The following TNKS variants were observed in gnomAD, a reference collection of about 807,000 sequenced individuals.
The protein encoded by TNKS is tankyrase.
Under a neutral mutation model 135.8 loss-of-function variants are expected in TNKS, and 72 were observed. The ratio of observed to expected loss-of-function variants is 0.53; its 90% CI spans 0.44 to 0.64. The LOEUF (loss-of-function observed/expected upper bound fraction) is 0.64, where lower values mean the gene tolerates loss of function less well. Among genes scored for constraint, TNKS ranks in the 30% least tolerant of loss-of-function variants. The probability of loss-of-function intolerance (pLI) is 0.00; values close to 1 mark genes in which losing one functional copy is unlikely to be tolerated. For missense variants in TNKS, 1,769 were observed against 1,674.0 expected, an observed-to-expected ratio of 1.06 and a Z score of -0.99; for synonymous variants, 849 against 649.3, an observed-to-expected ratio of 1.31 and a Z score of -4.68.
intron 25 of TNKS, among the ~76,000 whole-genome samples, chr8:9,766,683 GC>G (rs1350385064): frequency 6.6e-6 from 1 of 151,912 alleles, no homozygotes. Context: ...ATGGGGTTTT[GC>G]CATGTTGGCC....
chr8:9,721,094 A>G (rs2128812821), intron 12 of TNKS, among the ~76,000 whole-genome samples: 1 of 152,022 alleles, frequency 6.6e-6, no homozygotes, highest in South Asian at 2.1e-4. Flanking sequence ...ATCTTGGCCA[A>G]CATGGTGAAA....
chr8:9,683,982 G>A (rs1419968851), intron 5 of TNKS, among the ~76,000 whole-genome samples: 2 of 148,718 alleles, frequency 1.3e-5, no homozygotes, highest in Non-Finnish European at 3.0e-5. Context: ...ATTTTTTTTT[G>A]TTCTAAAATG....
intron 2 of TNKS, among the ~76,000 whole-genome samples, chr8:9,610,872 T>A (rs1024446780): frequency 6.6e-6 from 1 of 152,240 alleles, no homozygotes; most frequent in Non-Finnish European, 1.5e-5. Flanking sequence ...TGTAATTTTC[T>A]AGGAATTTAA....
At chr8:9,726,218 C>T (rs955911280) in intron 12 of TNKS, among the ~76,000 whole-genome samples, 1 of 152,058 alleles carries the variant, frequency 6.6e-6, no homozygotes, top group Admixed American at 6.6e-5. Context: ...TGGTGAAAAC[C>T]CATCTCCACA....
At chr8:9,751,944 A>G in intron 19 of TNKS, 98 bp downstream of exon 19, 2 of 1,053,692 alleles carry the variant, frequency 1.9e-6, no homozygotes, top group African/African-American at 1.6e-5. Flanking sequence ...TCAATTAGAG[A>G]CGTCCTGTCT....
intron 1 of TNKS, among the ~76,000 whole-genome samples, chr8:9,570,050 T>A (rs975207443): frequency 1.3e-5 from 2 of 152,230 alleles, no homozygotes; most frequent in Non-Finnish European, 2.9e-5. Flanking sequence ...TACACCTTAA[T>A]CTATTTTAAA....
chr8:9,613,558 C>G (rs1056588380), intron 2 of TNKS, among the ~76,000 whole-genome samples: 1 of 152,184 alleles, frequency 6.6e-6, no homozygotes, highest in African/African-American at 2.4e-5. Flanking sequence ...TTATCAGCAT[C>G]TGGTTTAGAA....
At position 9,556,867 on chromosome 8, in the gene TNKS, GTC is replaced by G. The variant is rs1815339616; in HGVS notation, c.673+259_673+260del. On this transcript the variant is annotated intron_variant, in intron 1 of 26. Coordinates refer to ENST00000310430, the MANE Select transcript of TNKS (RefSeq NM_003747.3). Reference sequence around the variant, plus strand: ...ATTACAAAACTCACTGTAGTTGGTAGTCTCTGCATATGGATATATTTACACTT... The same window carrying G: ...ATTACAAAACTCACTGTAGTTGGTAGTCTGCATATGGATATATTTACACTT... 3 of 579,300 alleles carry G rather than the reference GTC, an allele frequency of 5.2e-6. No homozygotes were observed. The East Asian group carries it at 8.3e-5, about 16-fold the overall frequency. 35.9% of individuals were successfully genotyped at this position (579,300 alleles called of 1,614,324 possible).
At chr8:9,688,995 C>G (rs1450439776) in intron 5 of TNKS, among the ~76,000 whole-genome samples, 1 of 152,122 alleles carries the variant, frequency 6.6e-6, no homozygotes, top group Non-Finnish European at 1.5e-5. Flanking sequence ...TCATGAGGTT[C>G]CCACCCTTAT....
chr8:9,743,981 T>C (rs968334211), intron 17 of TNKS, among the ~76,000 whole-genome samples: 1 of 152,242 alleles, frequency 6.6e-6, no homozygotes, highest in Non-Finnish European at 1.5e-5. Context: ...TATGTAGTTA[T>C]TTATTGATCA....
At chr8:9,564,868 A>C (rs535865613) in intron 1 of TNKS, among the ~76,000 whole-genome samples, 2 of 152,248 alleles carry the variant, frequency 1.3e-5, no homozygotes, top group Non-Finnish European at 2.9e-5. Flanking sequence ...AATGAAACAT[A>C]CACGAGAAAG....
chr8:9,568,010 T>C (rs1797613997), intron 1 of TNKS, among the ~76,000 whole-genome samples: 1 of 152,212 alleles, frequency 6.6e-6, no homozygotes, highest in Non-Finnish European at 1.5e-5. Context: ...TTCTTAATAT[T>C]ACTAACACGA....
intron 8 of TNKS, 124 bp from the exon 9 acceptor site, chr8:9,708,247 T>A (rs539374485): frequency 5.3e-4 from 445 of 837,266 alleles, no homozygotes; most frequent in Non-Finnish European, 3.3e-4. Flanking sequence ...TATTATCACA[T>A]TGCTGCTGTT....
In TNKS at chr8:9,734,891, C is replaced by G. The variant is rs766114238; in HGVS notation, c.2340C>G (p.Asn780Lys). The G allele has an allele frequency of 6.2e-7, 1 of 1,614,032 alleles. No homozygotes were observed. Among genetic ancestry groups the G allele is most frequent in the Non-Finnish European group, 8.5e-7 (1 of 1,179,950 alleles). The change falls in exon 16 of 27, where the codon AAC (asparagine) becomes AAG (lysine). Residue 780 changes from asparagine (N) to lysine (K), a missense_variant. Coordinates refer to ENST00000310430, the MANE Select transcript of TNKS (RefSeq NM_003747.3). ...ATGGAGCAGATCCAACTAAAAAGAA[C>G]AGAGATGGAAATACACCTTTGGATT... ...LKHGADPTKK[N>K]RDGNTPLDLV...
chr8:9,556,344 G>A lies in TNKS; in HGVS notation c.405G>A (p.Pro135=). The change falls in exon 1 of 27, where the codon CCG becomes CCA. Residue 135 remains proline (P), a synonymous_variant. Coordinates refer to ENST00000310430, the MANE Select transcript of TNKS (RefSeq NM_003747.3). ...ATTCACCGTCGTCCTCTTCTTCCCCGACTTCTTCCTCATCTTCCTCTCCAT... is the reference window on the plus strand; with the variant it reads ...ATTCACCGTCGTCCTCTTCTTCCCCAACTTCTTCCTCATCTTCCTCTCCAT... ...SNNSPSSSSS[P]TSSSSSSPSS... 3 of 1,614,202 alleles carry A rather than the reference G, an allele frequency of 1.9e-6. No homozygotes were observed. The highest frequency in any genetic ancestry group is 2.2e-5 in the East Asian group (1 of 44,884).
At chr8:9,767,941 A>C (rs1241833636) in intron 25 of TNKS, among the ~76,000 whole-genome samples, 4 of 149,148 alleles carry the variant, frequency 2.7e-5, no homozygotes, top group Admixed American at 1.3e-4. Context: ...CCTGGGCGAC[A>C]GAGAGAGACT....
intron 1 of TNKS, among the ~76,000 whole-genome samples, chr8:9,564,765 C>A (rs772104913): frequency 2.2e-4 from 33 of 152,144 alleles, no homozygotes; most frequent in African/African-American, 5.3e-4. Flanking sequence ...TTAATAGATA[C>A]TTATAGTAAG....
chr8:9,725,520 T>G (rs904933076), intron 12 of TNKS, among the ~76,000 whole-genome samples: 2 of 152,186 alleles, frequency 1.3e-5, no homozygotes, highest in Non-Finnish European at 2.9e-5. Context: ...AACCTCTTCA[T>G]AGCATCACTT....
rs184946820 is a variant in TNKS at position 9,726,675 on chromosome 8, T to C, written c.1956T>C (p.Tyr652=). The C allele has an allele frequency of 1.9e-6, 3 of 1,613,620 alleles. No individual in the cohort carries two copies. The highest frequency in any genetic ancestry group is 3.3e-5 in the Admixed American group (2 of 60,006). Residue 652 remains tyrosine (Y), a synonymous_variant, in exon 13 of 27, where the codon TAT becomes TAC. Transcript: ENST00000310430. ...STPIRTSDVD[Y]RLLEASKAGD... ...CTATACGTACTTCTGATGTTGATTA[T>C]CGACTCTTAGAGGCATCTAAAGCTG...
Sources: gnomAD v4.1 joint callset for allele counts (sites outside exome capture counted in the v4.1 genomes callset) on GRCh38, gnomAD v4.1.1 for gene constraint, MANE v1.5 for transcripts, NCBI Gene and HGNC (gene_info 2026-07-23, HGNC 2026-07-21) for gene names.